NPAS3: variants seen among roughly 807,000 people sequenced by gnomAD.
NPAS3 encodes the protein neuronal PAS domain protein 3.
In NPAS3, 14 loss-of-function variants were observed where a neutral mutation model predicts 73.1. The ratio of observed to expected loss-of-function variants is 0.19; its 90% CI spans 0.13 to 0.30. The LOEUF is 0.30. NPAS3 is among the 10% of genes least tolerant of loss of function. NPAS3 has a pLI of 1.00. For missense variants in NPAS3, 1,096 were observed against 1,250.0 expected, an observed-to-expected ratio of 0.88 and a Z score of 1.86; for synonymous variants, 620 against 541.5, an observed-to-expected ratio of 1.14 and a Z score of -2.01.
intron 4 of NPAS3, among the ~76,000 whole-genome samples, chr14:33,496,667 T>G (rs1329513443): frequency 2.0e-5 from 3 of 152,148 alleles, no homozygotes; most frequent in Admixed American, 2.0e-4. Context: ...TGCTAAAAAC[T>G]CTCAATAAAC....
intron 4 of NPAS3, among the ~76,000 whole-genome samples, chr14:33,498,540 A>G (rs1461790831): frequency 6.6e-6 from 1 of 152,150 alleles, no homozygotes; most frequent in African/African-American, 2.4e-5. Flanking sequence ...TGTCCTTTGC[A>G]GGGACATGGA....
intron 3 of NPAS3, among the ~76,000 whole-genome samples, chr14:33,238,157 C>T (rs1330054823): frequency 1.3e-5 from 2 of 151,884 alleles, no homozygotes; most frequent in African/African-American, 4.8e-5. Flanking sequence ...AAATACATGA[C>T]ATTAACTCCA....
chr14:33,228,816 AT>A (rs1351813805), intron 3 of NPAS3, among the ~76,000 whole-genome samples: 4 of 152,182 alleles, frequency 2.6e-5, no homozygotes, highest in African/African-American at 9.7e-5. Context: ...ATCCAGGATG[AT>A]TAACGCGAAA....
At chr14:33,597,921 T>C (rs1378622554) in intron 5 of NPAS3, among the ~76,000 whole-genome samples, 2 of 152,234 alleles carry the variant, frequency 1.3e-5, no homozygotes, top group East Asian at 1.9e-4. Flanking sequence ...TGAAAATTCA[T>C]AGAACTCTTC....
At chr14:33,459,783 C>T (rs1191461578) in intron 4 of NPAS3, among the ~76,000 whole-genome samples, 1 of 152,160 alleles carries the variant, frequency 6.6e-6, no homozygotes, top group African/African-American at 2.4e-5. Flanking sequence ...TAATCTGCTC[C>T]CTGGCTGAGT....
intron 1 of NPAS3, among the ~76,000 whole-genome samples, chr14:32,953,819 G>A (rs1273935760): frequency 6.6e-6 from 1 of 152,166 alleles, no homozygotes; most frequent in Non-Finnish European, 1.5e-5. Flanking sequence ...GGACCCTTGA[G>A]TTTAGGGAAC....
chr14:33,094,532 C>G (rs2042340365), intron 2 of NPAS3, among the ~76,000 whole-genome samples: 1 of 148,940 alleles, frequency 6.7e-6, no homozygotes, highest in African/African-American at 2.5e-5. Flanking sequence ...GTGGTGTGAT[C>G]TCAGCTCACT....
intron 3 of NPAS3, among the ~76,000 whole-genome samples, chr14:33,269,504 A>G (rs2040972990): frequency 1.3e-5 from 2 of 152,320 alleles, no homozygotes; most frequent in South Asian, 4.1e-4. Context: ...CATTTAGATA[A>G]GGAAATGTGC....
chr14:33,033,228 C>T (rs2040054798), intron 1 of NPAS3, among the ~76,000 whole-genome samples: 1 of 152,016 alleles, frequency 6.6e-6, no homozygotes, highest in Non-Finnish European at 1.5e-5. Context: ...TCTGTTATCC[C>T]AGAACTTTGG....
intron 3 of NPAS3, among the ~76,000 whole-genome samples, chr14:33,331,564 C>T (rs1257928646): frequency 6.7e-6 from 1 of 150,188 alleles, no homozygotes; most frequent in Non-Finnish European, 1.5e-5. Flanking sequence ...TTTTCTATTC[C>T]CCCTTACTGT....
At chr14:33,206,334 T>G (rs1309910026) in intron 2 of NPAS3, among the ~76,000 whole-genome samples, 1 of 151,756 alleles carries the variant, frequency 6.6e-6, no homozygotes, top group Non-Finnish European at 1.5e-5. Context: ...TGTGAGACAG[T>G]AAGATTTATG....
chr14:33,551,935 G>C (rs2055137570), intron 4 of NPAS3, among the ~76,000 whole-genome samples: 1 of 152,140 alleles, frequency 6.6e-6, no homozygotes, highest in South Asian at 2.1e-4. Flanking sequence ...GTGTATTCAG[G>C]GTATCCTAAA....
intron 4 of NPAS3, among the ~76,000 whole-genome samples, chr14:33,412,845 C>T (rs2138921294): frequency 6.6e-6 from 1 of 152,236 alleles, no homozygotes; most frequent in South Asian, 2.1e-4. Flanking sequence ...AGTGCTCATT[C>T]AATAAATGTT....
At chr14:33,210,320 A>C (rs1289707414) in intron 2 of NPAS3, among the ~76,000 whole-genome samples, 1 of 152,154 alleles carries the variant, frequency 6.6e-6, no homozygotes, top group Non-Finnish European at 1.5e-5. Context: ...ATTCTTAGGC[A>C]GTTTCATAAT....
At chr14:33,745,944 G>T (rs1038900854) in intron 7 of NPAS3, among the ~76,000 whole-genome samples, 1 of 152,158 alleles carries the variant, frequency 6.6e-6, no homozygotes, top group Non-Finnish European at 1.5e-5. Flanking sequence ...TGCAAGAAAT[G>T]AAGTAGGGAA....
chr14:33,100,273 C>A (rs2042544502), intron 2 of NPAS3, among the ~76,000 whole-genome samples: 1 of 152,216 alleles, frequency 6.6e-6, no homozygotes, highest in East Asian at 1.9e-4. Flanking sequence ...TATTAAGATA[C>A]AAAGTTGGGA....
At chr14:33,411,012 C>A (rs1229071101) in intron 4 of NPAS3, among the ~76,000 whole-genome samples, 1 of 152,146 alleles carries the variant, frequency 6.6e-6, no homozygotes, top group Non-Finnish European at 1.5e-5. Context: ...AATGATATAG[C>A]CTCTTGAACC....
At chr14:33,749,906 CTTGGGGAAAACATCAGTGGAGATGT>C (rs1294150235) in intron 7 of NPAS3, among the ~76,000 whole-genome samples, 1 of 152,148 alleles carries the variant, frequency 6.6e-6, no homozygotes, top group Non-Finnish European at 1.5e-5. Flanking sequence ...TGGTCCTCTT[CTTGGGGAAAACATCAGTGGAGATGT>C]GTCACAAGAG....
At chr14:33,104,378 G>A (rs926858864) in intron 2 of NPAS3, among the ~76,000 whole-genome samples, 2 of 152,130 alleles carry the variant, frequency 1.3e-5, no homozygotes, top group African/African-American at 2.4e-5. Flanking sequence ...GTAAAAGTCC[G>A]TAAGTTACTA....
Sources: gnomAD v4.1 joint callset for allele counts (sites outside exome capture counted in the v4.1 genomes callset) on GRCh38, gnomAD v4.1.1 for gene constraint, MANE v1.5 for transcripts, NCBI Gene and HGNC (gene_info 2026-07-23, HGNC 2026-07-21) for gene names.